The following SLC25A30 variants were observed in gnomAD, a reference collection of about 807,000 sequenced individuals.
SLC25A30 encodes kidney mitochondrial carrier protein 1.
SLC25A30 carries 29 observed loss-of-function variants against 42.7 expected under a neutral mutation model. The ratio of observed to expected loss-of-function variants is 0.68; its 90% CI spans 0.51 to 0.93. The LOEUF is 0.93. Ranked by LOEUF, SLC25A30 falls within the 40% of genes least tolerant of loss-of-function variation. The pLI is 0.00. For missense variants in SLC25A30, 300 were observed against 359.7 expected (o/e 0.83, Z 1.34); for synonymous variants, 124 against 131.0 (o/e 0.95, Z 0.37).
the SLC25A30 span, among the ~76,000 whole-genome samples, chr13:45,425,389 AAAATATATATGTATATATAT>A: frequency 8.9e-6 from 1 of 112,080 alleles, no homozygotes; most frequent in African/African-American, 3.6e-5. Context: ...AGTATATATG[AAAATATATATGTATATATAT>A]AAATATATAA....
the SLC25A30 span, among the ~76,000 whole-genome samples, chr13:45,428,518 T>TTTC: frequency 2.2e-4 from 7 of 32,082 alleles, no homozygotes; most frequent in Non-Finnish European, 2.5e-4. Context: ...TCTTTTTAAC[T>TTTC]TTTTTTTTTT....
At chr13:45,431,913 T>A in the SLC25A30 span, among the ~76,000 whole-genome samples, 1 of 152,090 alleles carries the variant, frequency 6.6e-6, no homozygotes, top group Non-Finnish European at 1.5e-5. Context: ...GTGTCATCTT[T>A]AATTTTTCCT....
the SLC25A30 span, among the ~76,000 whole-genome samples, chr13:45,423,860 A>AAATATATATG: frequency 4.0e-5 from 3 of 74,592 alleles, no homozygotes; most frequent in African/African-American, 1.5e-4. Flanking sequence ...ATATATATAT[A>AAATATATATG]AATATATATA....
At chr13:45,424,484 TATAA>T in the SLC25A30 span, among the ~76,000 whole-genome samples, 1 of 45,174 alleles carries the variant, frequency 2.2e-5, no homozygotes, top group African/African-American at 1.3e-4. Flanking sequence ...AATATATGTA[TATAA>T]ATATATAAAT....
chr13:45,395,699 T>C lies in SLC25A30; in HGVS notation c.*275A>G, dbSNP rs1039415231. The C allele has an allele frequency of 3.1e-5, 41 of 1,336,146 alleles. No individual in the cohort carries two copies. Among genetic ancestry groups the C allele is most frequent in the Non-Finnish European group, 4.0e-5 (41 of 1,037,638 alleles). 82.8% of individuals were successfully genotyped at this position (1,336,146 alleles called of 1,614,324 possible). A position where few individuals can be genotyped will look rare whatever the true frequency, so the allele number is the denominator to read the frequency against. On this transcript the variant is annotated 3_prime_UTR_variant, in exon 10 of 10. Coordinates refer to ENST00000519676, the MANE Select transcript of SLC25A30 (RefSeq NM_001010875.4). ...TCCTGATTTTCTTGCAAGTTTTCTT[T>C]AGCAAGAAACATGCATTTCACATAT...
chr13:45,420,372 T>G (rs969977415), upstream of SLC25A30: 16 of 152,172 alleles, frequency 1.1e-4, no homozygotes, highest in African/African-American at 3.9e-4. Context: ...CTTTGAAGTA[T>G]CCCCTGAATT....
Position 45,411,386 on chromosome 13 carries a change from G to GC in SLC25A30, c.39dup (p.Leu14AlafsTer7), listed in dbSNP as rs1208630857. The stretch of plus-strand genomic sequence containing the variant: ...CCGCACTCAGCAGTGATGGAGGCCA[G>GC]CCCCCCGTACACAAACGGCTTCCAG... On this transcript the variant is annotated frameshift_variant, in exon 2 of 10. Coordinates refer to ENST00000519676, the MANE Select transcript of SLC25A30 (RefSeq NM_001010875.4). LOFTEE classifies it high-confidence loss of function. 5.0e-6 allele frequency: 8 copies of GC among 1,613,866 alleles called. No individual in the cohort carries two copies. Among genetic ancestry groups the GC allele is most frequent in the Admixed American group, 1.7e-5 (1 of 60,000 alleles).
chr13:45,432,312 C>A, the SLC25A30 span, among the ~76,000 whole-genome samples: 1 of 150,374 alleles, frequency 6.7e-6, no homozygotes, highest in Admixed American at 6.6e-5. Context: ...CTTTATAATT[C>A]TCATATTCTC....
chr13:45,407,239 A>T (rs531498889), intron 3 of SLC25A30, among the ~76,000 whole-genome samples: 14 of 152,260 alleles, frequency 9.2e-5, no homozygotes, highest in African/African-American at 3.1e-4. Flanking sequence ...CTCTACTAAA[A>T]ATACAAAAAA....
chr13:45,398,812 A>G, intron 8 of SLC25A30, 128 bp downstream of exon 8: 1 of 969,408 alleles, frequency 1.0e-6, no homozygotes, highest in East Asian at 2.8e-5. Context: ...AAATGGTCTC[A>G]CACATGTACA....
intron 8 of SLC25A30, 64 bp downstream of exon 8, chr13:45,398,876 G>A: frequency 6.4e-7 from 1 of 1,555,694 alleles, no homozygotes; most frequent in South Asian, 1.2e-5. Context: ...TCATAATTTA[G>A]TTACTTCTTA....
chr13:45,400,704 C>T (rs911195341), intron 7 of SLC25A30, among the ~76,000 whole-genome samples: 6 of 151,960 alleles, frequency 3.9e-5, no homozygotes, highest in African/African-American at 1.5e-4. Context: ...ATTTTGTTGC[C>T]CAAGCTGGTC....
chr13:45,423,630 A>G, the SLC25A30 span, among the ~76,000 whole-genome samples: 1 of 66,844 alleles, frequency 1.5e-5, no homozygotes, highest in Non-Finnish European at 3.0e-5. Context: ...ATATATATAT[A>G]AATATATATA....
chr13:45,394,673 G>A lies in SLC25A30; in HGVS notation c.*1301C>T, dbSNP rs1566197558. 2.0e-6 allele frequency: 2 copies of A among 984,664 alleles called. No individual in the cohort carries two copies. Among genetic ancestry groups the A allele is most frequent in the Non-Finnish European group, 1.2e-6 (1 of 829,576 alleles). 61.0% of individuals were successfully genotyped at this position (984,664 alleles called of 1,614,324 possible). ...GGCTCTTTCTCTGAAGCAGGTTAGA[G>A]TAAAGAATAAGAAAATAGAAAAAGA... On this transcript the variant is annotated 3_prime_UTR_variant, in exon 10 of 10. Transcript: ENST00000519676.
At chr13:45,431,827 C>T in the SLC25A30 span, among the ~76,000 whole-genome samples, 3 of 152,166 alleles carry the variant, frequency 2.0e-5, no homozygotes, top group Non-Finnish European at 4.4e-5. Context: ...CTTTTGTCCC[C>T]GAAGCCTGTT....
chr13:45,432,403 A>G, the SLC25A30 span, among the ~76,000 whole-genome samples: 1 of 152,152 alleles, frequency 6.6e-6, no homozygotes, highest in Admixed American at 6.6e-5. Flanking sequence ...TAAATGGAAT[A>G]ATTTACAGAG....
intron 4 of SLC25A30, among the ~76,000 whole-genome samples, chr13:45,404,994 C>A (rs550610885): frequency 7.2e-5 from 11 of 152,270 alleles, no homozygotes; most frequent in African/African-American, 2.6e-4. Flanking sequence ...ACAATCACAG[C>A]TCACTGCAGC....
rs986321222 is a variant in SLC25A30 at position 45,399,872 on chromosome 13, T to C, written c.615-794A>G. On this transcript the variant is annotated intron_variant, in intron 7 of 9. Coordinates refer to ENST00000519676, the MANE Select transcript of SLC25A30 (RefSeq NM_001010875.4). ...AGACTACCACAGACCATACTTTATATCAATTAACCCAGAGCAAAGTTTCTC... is the reference window on the plus strand; with the variant it reads ...AGACTACCACAGACCATACTTTATACCAATTAACCCAGAGCAAAGTTTCTC... Among the ~76,000 whole-genome samples, 3 of 151,838 alleles carry C rather than the reference T, an allele frequency of 2.0e-5. No homozygotes were observed. In the South Asian group the frequency reaches 6.2e-4, roughly 32 times the overall value.
chr13:45,400,071 AATG>A (rs1344297676), intron 7 of SLC25A30, among the ~76,000 whole-genome samples: 5 of 134,556 alleles, frequency 3.7e-5, no homozygotes, highest in South Asian at 2.4e-4. Flanking sequence ...CACACATATG[AATG>A]ATAATATATA....
Sources: allele counts gnomAD v4.1 joint callset (sites outside exome capture counted in the v4.1 genomes callset), GRCh38; gene constraint gnomAD v4.1.1; transcripts MANE v1.5; gene names NCBI Gene and HGNC (gene_info 2026-07-23, HGNC 2026-07-21).